ADAM18: variants seen among roughly 807,000 people sequenced by gnomAD.
The protein encoded by ADAM18 is ADAM metallopeptidase domain 18.
ADAM18 carries 117 observed loss-of-function variants against 94.4 expected under a neutral mutation model. That is an observed-to-expected ratio of 1.24 (90% CI 1.07 to 1.45). The LOEUF (loss-of-function observed/expected upper bound fraction) is 1.45, where lower values mean the gene tolerates loss of function less well. Ranked by LOEUF, ADAM18 falls within the 40% of genes most tolerant of loss-of-function variation. ADAM18 has a pLI of 0.00. For missense variants in ADAM18, 936 were observed against 880.0 expected, an observed-to-expected ratio of 1.06 and a Z score of -0.81; for synonymous variants, 327 against 291.6, an observed-to-expected ratio of 1.12 and a Z score of -1.24.
chr8:39,599,840 GT>G (rs770833849), intron 2 of ADAM18, among the ~76,000 whole-genome samples: 1 of 150,452 alleles, frequency 6.6e-6, no homozygotes, highest in African/African-American at 2.4e-5. Context: ...AATTTTTTCT[GT>G]GTATTATCAT....
rs1448343871 is a variant in ADAM18 at position 39,722,788 on chromosome 8, A to T, written c.2018-960A>T. 2.6e-5 allele frequency among the ~76,000 whole-genome samples: 4 copies of T among 151,590 alleles called. No individual in the cohort carries two copies. The East Asian group carries it at 7.7e-4, about 29-fold the overall frequency. Reference sequence around the variant, plus strand: ...CATGCTCTTAGAGGCAAAATTAGTGATTTTCTTTGGGAAAGACAGTGTCTG... The same window carrying T: ...CATGCTCTTAGAGGCAAAATTAGTGTTTTTCTTTGGGAAAGACAGTGTCTG... On this transcript the variant is annotated intron_variant, in intron 18 of 19. Transcript: ENST00000265707.
chr8:39,719,744 AT>A (rs1465867341), intron 18 of ADAM18, among the ~76,000 whole-genome samples: 1 of 151,558 alleles, frequency 6.6e-6, no homozygotes, highest in Non-Finnish European at 1.5e-5. Flanking sequence ...AATTGTTTAC[AT>A]TTAAAAGGGC....
At chr8:39,602,371 C>T (rs374310407) in intron 2 of ADAM18, among the ~76,000 whole-genome samples, 29 of 152,184 alleles carry the variant, frequency 1.9e-4, no homozygotes, top group South Asian at 1.2e-3. Context: ...TTGATAGAAG[C>T]CATGCTATAG....
chr8:39,675,047 C>T (rs1264776284), intron 14 of ADAM18, among the ~76,000 whole-genome samples: 1 of 152,162 alleles, frequency 6.6e-6, no homozygotes, highest in African/African-American at 2.4e-5. Flanking sequence ...TCTCTGGCTG[C>T]CCTTAACATT....
At chr8:39,657,218 G>C (rs1585947233) in intron 12 of ADAM18, among the ~76,000 whole-genome samples, 1 of 152,056 alleles carries the variant, frequency 6.6e-6, no homozygotes, top group East Asian at 1.9e-4. Context: ...GAAAATTATA[G>C]TAAGTTAAAA....
At chr8:39,645,235 TAAG>T (rs1284190143) in intron 10 of ADAM18, 100 bp from the exon 11 acceptor site, 5 of 977,958 alleles carry the variant, frequency 5.1e-6, no homozygotes, top group Middle Eastern at 3.2e-4. Context: ...ATGCTTAACA[TAAG>T]AAGTATTAAA....
At chr8:39,624,647 T>C (rs1357798434) in intron 6 of ADAM18, among the ~76,000 whole-genome samples, 1 of 152,192 alleles carries the variant, frequency 6.6e-6, no homozygotes, top group Non-Finnish European at 1.5e-5. Context: ...AAATCTCATG[T>C]GAAATTGTAA....
In ADAM18 at chr8:39,618,812, T is replaced by C. The variant is rs1312128655; in HGVS notation, c.522+8106T>C. On this transcript the variant is annotated intron_variant, in intron 6 of 19. Coordinates refer to ENST00000265707, the MANE Select transcript of ADAM18 (RefSeq NM_014237.3). ...CATCTGCTTTTCTGGGATAGGAATCTTGGTGATGTGAAACCTCCCTGACTG... is the reference window on the plus strand; with the variant it reads ...CATCTGCTTTTCTGGGATAGGAATCCTGGTGATGTGAAACCTCCCTGACTG... 2.0e-5 allele frequency among the ~76,000 whole-genome samples: 3 copies of C among 152,214 alleles called. No homozygotes were observed. In the East Asian group the frequency reaches 5.8e-4, roughly 29 times the overall value.
intron 18 of ADAM18, among the ~76,000 whole-genome samples, chr8:39,719,444 C>T (rs1415080632): frequency 1.3e-5 from 2 of 150,998 alleles, no homozygotes; most frequent in East Asian, 3.9e-4. Flanking sequence ...AAATATGACC[C>T]CAAAATGTGA....
intron 12 of ADAM18, among the ~76,000 whole-genome samples, chr8:39,662,483 A>G (rs1027473007): frequency 9.2e-5 from 14 of 152,214 alleles, no homozygotes; most frequent in Admixed American, 6.5e-4. Flanking sequence ...ATATTAAAGG[A>G]CAAGATCTTT....
intron 18 of ADAM18, among the ~76,000 whole-genome samples, chr8:39,708,478 A>G (rs1246503701): frequency 2.0e-5 from 3 of 152,232 alleles, no homozygotes; most frequent in Non-Finnish European, 4.4e-5. Flanking sequence ...GAACTCTGGA[A>G]AAACATGGCA....
At chr8:39,715,641 C>T (rs532505575) in intron 18 of ADAM18, among the ~76,000 whole-genome samples, 16 of 151,554 alleles carry the variant, frequency 1.1e-4, no homozygotes, top group African/African-American at 2.2e-4. Flanking sequence ...AACATGTAAG[C>T]GGTAATAGAG....
chr8:39,654,298 C>T lies in ADAM18; in HGVS notation c.1230+5771C>T, dbSNP rs529442480. On this transcript the variant is annotated intron_variant, in intron 12 of 19. Coordinates refer to ENST00000265707, the MANE Select transcript of ADAM18 (RefSeq NM_014237.3). The stretch of plus-strand genomic sequence containing the variant: ...TCAGCCTCCCGAGTAGCTGGATCTC[C>T]TGACCTTGTGATCCACCCGCCTTGG... Among the ~76,000 whole-genome samples, 4 of 151,370 alleles carry T rather than the reference C, an allele frequency of 2.6e-5. No individual in the cohort carries two copies. The East Asian group carries it at 7.7e-4, about 29-fold the overall frequency.
chr8:39,628,488 T>C (rs529220599), intron 6 of ADAM18, among the ~76,000 whole-genome samples: 3 of 152,044 alleles, frequency 2.0e-5, no homozygotes, highest in East Asian at 3.9e-4. Flanking sequence ...AGATGAGGCA[T>C]ACTTTACTTT....
At position 39,636,001 on chromosome 8, in the gene ADAM18, G is replaced by GTTT. The variant is rs199533879; in HGVS notation, c.589-1258_589-1256dup. On this transcript the variant is annotated intron_variant, in intron 7 of 19. Transcript: ENST00000265707. ...TTATTTAAATATCTGTAACCATTAA[G>GTTT]TTTTTTTGTTTTTTTTTTTTTGAGA... Among the ~76,000 whole-genome samples the GTTT allele has an allele frequency of 4.7e-4, 66 of 141,844 alleles. 2 individuals carry two copies. The highest frequency in any genetic ancestry group is 6.3e-4 in the Non-Finnish European group (41 of 65,292). The allele number at this position is 141,844 out of a possible 152,430, so 93.1% of individuals were successfully genotyped here.
rs116650231 is a variant in ADAM18, at chr8:39,650,840, G to A, written c.1230+2313G>A. Among the ~76,000 whole-genome samples, 915 of 152,282 alleles carry A rather than the reference G, an allele frequency of 6.0e-3. 5 individuals are homozygous for A. The highest frequency in any genetic ancestry group is 0.021 in the African/African-American group (870 of 41,568). On this transcript the variant is annotated intron_variant, in intron 12 of 19. Transcript: ENST00000265707. ...CACACCTGTGGGCGTTTCTTGTCAG[G>A]TGGAATGAGAGACTTGAGAAAAGAA...
At chr8:39,598,582 A>C (rs755705167) in intron 2 of ADAM18, among the ~76,000 whole-genome samples, 11 of 151,984 alleles carry the variant, frequency 7.2e-5, no homozygotes, top group Non-Finnish European at 1.5e-4. Context: ...TGCCTGGCCA[A>C]CATGGCAAAA....
intron 14 of ADAM18, among the ~76,000 whole-genome samples, chr8:39,676,768 G>A (rs1821314439): frequency 6.6e-6 from 1 of 152,176 alleles, no homozygotes; most frequent in African/African-American, 2.4e-5. Flanking sequence ...TTCCTATTCG[G>A]CCATTTTGGC....
At position 39,663,857 on chromosome 8, in the gene ADAM18, T is replaced by G; in HGVS notation, c.1293T>G (p.Cys431Trp). Residue 431 changes from cysteine (C) to tryptophan (W), a missense_variant, in exon 13 of 20, where the codon TGT becomes TGG. Cys to Trp is a radical substitution (Grantham distance 215). Coordinates refer to ENST00000265707, the MANE Select transcript of ADAM18 (RefSeq NM_014237.3). ...NTCKLKGSVK[C>W]GSGPCCTSKC... ...GTAAACTGAAGGGCTCAGTAAAATG[T>G]GGTTCTGGACCATGTTGTACATCAA... 8.7e-6 allele frequency: 14 copies of G among 1,612,380 alleles called. No individual in the cohort carries two copies. The highest frequency in any genetic ancestry group is 1.2e-5 in the Non-Finnish European group (14 of 1,179,576).
Sources: allele counts gnomAD v4.1 joint callset (sites outside exome capture counted in the v4.1 genomes callset), GRCh38; gene constraint gnomAD v4.1.1; transcripts MANE v1.5; gene names NCBI Gene and HGNC (gene_info 2026-07-23, HGNC 2026-07-21).